The following TRPC4 variants were observed in gnomAD, a reference collection of about 807,000 sequenced individuals.
TRPC4 encodes the protein transient receptor potential cation channel subfamily C member 4, also known as short transient receptor potential channel 4.
Under a neutral mutation model 99.4 loss-of-function variants are expected in TRPC4, and 49 were observed. The observed-to-expected ratio is 0.49, with a 90% CI of 0.39 to 0.63. TRPC4 has a LOEUF of 0.63. Ranked by LOEUF, TRPC4 falls within the 20% of genes least tolerant of loss-of-function variation. The pLI, the probability that TRPC4 is intolerant of heterozygous loss-of-function variation, is 0.00. For synonymous variants in TRPC4, 454 were observed against 425.9 expected (o/e 1.07, Z -0.81); for missense variants, 898 against 1,152.9 (o/e 0.78, Z 3.20).
intron 1 of TRPC4, among the ~76,000 whole-genome samples, chr13:37,802,498 CATGATTAAACTGAGGTT>C (rs1957429722): frequency 6.6e-6 from 1 of 152,094 alleles, no homozygotes; most frequent in Non-Finnish European, 1.5e-5. Flanking sequence ...TGACTTTTCT[CATGATTAAACTGAGGTT>C]ATGGATTTGG....
intron 8 of TRPC4, among the ~76,000 whole-genome samples, chr13:37,640,042 A>C (rs1951668986): frequency 6.6e-6 from 1 of 151,950 alleles, no homozygotes; most frequent in Non-Finnish European, 1.5e-5. Flanking sequence ...AATGACATTA[A>C]AGTTATATAT....
At chr13:37,726,619 T>C (rs1955069351) in intron 3 of TRPC4, among the ~76,000 whole-genome samples, 2 of 152,058 alleles carry the variant, frequency 1.3e-5, no homozygotes, top group Admixed American at 1.3e-4. Context: ...AGCAATAACT[T>C]TAAATGTAAA....
At chr13:37,679,026 C>T (rs1369711402) in intron 4 of TRPC4, among the ~76,000 whole-genome samples, 1 of 151,974 alleles carries the variant, frequency 6.6e-6, no homozygotes, top group Non-Finnish European at 1.5e-5. Context: ...ATTTAACATG[C>T]ATTCATGATA....
At chr13:37,699,917 A>G (rs978775240) in intron 3 of TRPC4, among the ~76,000 whole-genome samples, 1 of 149,984 alleles carries the variant, frequency 6.7e-6, no homozygotes, top group Non-Finnish European at 1.5e-5. Flanking sequence ...GCAGTAATGG[A>G]AAGCTGAAAA....
intron 1 of TRPC4, among the ~76,000 whole-genome samples, chr13:37,815,793 C>T (rs1255847727): frequency 6.6e-6 from 1 of 151,742 alleles, no homozygotes; most frequent in Non-Finnish European, 1.5e-5. Context: ...GAACTTTCTA[C>T]CCTAAAACAA....
At chr13:37,802,014 A>C (rs1031850649) in intron 1 of TRPC4, among the ~76,000 whole-genome samples, 8 of 152,118 alleles carry the variant, frequency 5.3e-5, no homozygotes, top group African/African-American at 1.9e-4. Context: ...TATGTAAAAA[A>C]ATACTATCAA....
At chr13:37,839,275 C>T (rs750875085) in intron 1 of TRPC4, among the ~76,000 whole-genome samples, 3 of 152,040 alleles carry the variant, frequency 2.0e-5, no homozygotes, top group Non-Finnish European at 4.4e-5. Flanking sequence ...CTTGCTCTAC[C>T]GAAAACCAGG....
rs1024070472 is a variant in TRPC4 at position 37,789,523 on chromosome 13, G to C, written c.-27-6163C>G. On this transcript the variant is annotated intron_variant, in intron 1 of 10. Coordinates refer to ENST00000379705, the MANE Select transcript of TRPC4 (RefSeq NM_016179.4). The stretch of plus-strand genomic sequence containing the variant: ...TCTGCATCAGCATTCAAAATTTGTA[G>C]GTGAATCAAGGAATTAATGATTATA... Among the ~76,000 whole-genome samples the C allele has an allele frequency of 2.6e-5, 4 of 152,190 alleles. No individual in the cohort carries two copies. In the South Asian group the frequency reaches 8.3e-4, roughly 32 times the overall value.
At chr13:37,672,033 G>A (rs989894736) in intron 5 of TRPC4, among the ~76,000 whole-genome samples, 2 of 152,114 alleles carry the variant, frequency 1.3e-5, no homozygotes, top group African/African-American at 4.8e-5. Context: ...TCACTGGGGT[G>A]AGTGAGTTTA....
intron 1 of TRPC4, among the ~76,000 whole-genome samples, chr13:37,832,414 C>G (rs1004831315): frequency 2.0e-5 from 3 of 152,082 alleles, no homozygotes; most frequent in Non-Finnish European, 4.4e-5. Flanking sequence ...GGCGGTGCAC[C>G]TGTAGCCCCA....
intron 3 of TRPC4, among the ~76,000 whole-genome samples, chr13:37,734,940 C>G (rs1955350888): frequency 1.3e-5 from 2 of 152,082 alleles, no homozygotes; most frequent in South Asian, 2.1e-4. Context: ...ACTCCGTGTT[C>G]CCTAACACTC....
chr13:37,794,413 G>T (rs921593673), intron 1 of TRPC4, among the ~76,000 whole-genome samples: 4 of 152,042 alleles, frequency 2.6e-5, no homozygotes, highest in Admixed American at 1.3e-4. Flanking sequence ...ACAAAGAAAA[G>T]CTTGCTTCTC....
At chr13:37,841,796 C>T (rs1329934937) in intron 1 of TRPC4, among the ~76,000 whole-genome samples, 1 of 151,948 alleles carries the variant, frequency 6.6e-6, no homozygotes, top group African/African-American at 2.4e-5. Context: ...AGCAGGTATG[C>T]AAAATGTTAC....
At chr13:37,842,775 A>C (rs1018530106) in intron 1 of TRPC4, among the ~76,000 whole-genome samples, 5 of 152,244 alleles carry the variant, frequency 3.3e-5, no homozygotes, top group African/African-American at 9.6e-5. Context: ...TTAAGATTTC[A>C]GCATATAAAT....
chr13:37,811,645 A>C (rs1957689492), intron 1 of TRPC4, among the ~76,000 whole-genome samples: 1 of 152,138 alleles, frequency 6.6e-6, no homozygotes, highest in Non-Finnish European at 1.5e-5. Flanking sequence ...CCACATACAT[A>C]TAAGGAATTA....
chr13:37,809,877 C>T (rs1759875), intron 1 of TRPC4, among the ~76,000 whole-genome samples: 127,671 of 151,986 alleles, frequency 0.84, 53,739 homozygotes, highest in East Asian at 0.96. Flanking sequence ...TCAGGCCTTT[C>T]GTTCTAAACC....
chr13:37,666,412 A>G (rs990045749), intron 5 of TRPC4, among the ~76,000 whole-genome samples: 10 of 152,156 alleles, frequency 6.6e-5, no homozygotes, highest in Non-Finnish European at 1.0e-4. Context: ...CTCTGATCCA[A>G]AAAACCTCAT....
chr13:37,810,112 A>G (rs1456265831), intron 1 of TRPC4, among the ~76,000 whole-genome samples: 2 of 152,118 alleles, frequency 1.3e-5, no homozygotes, highest in African/African-American at 4.8e-5. Context: ...TCTGGATTTT[A>G]CAATGATGGT....
At chr13:37,761,847 G>T (rs1051323846) in intron 2 of TRPC4, among the ~76,000 whole-genome samples, 5 of 151,760 alleles carry the variant, frequency 3.3e-5, no homozygotes, top group African/African-American at 4.8e-5. Context: ...ATTTCCTGGC[G>T]GGCCGATTTT....
Sources: gnomAD v4.1 joint callset for allele counts (sites outside exome capture counted in the v4.1 genomes callset) on GRCh38, gnomAD v4.1.1 for gene constraint, MANE v1.5 for transcripts, NCBI Gene and HGNC (gene_info 2026-07-23, HGNC 2026-07-21) for gene names.